Variants in RBFOX1 observed in about 807,000 individuals in gnomAD.
The protein encoded by RBFOX1 is RNA binding protein fox-1 homolog 1.
RBFOX1 carries 8 observed loss-of-function variants against 57.7 expected under a neutral mutation model. That is an observed-to-expected ratio of 0.14 (90% CI 0.08 to 0.25). The LOEUF is 0.25. RBFOX1 is among the 10% of genes least tolerant of loss of function. The probability of loss-of-function intolerance (pLI) is 1.00; values close to 1 mark genes in which losing one functional copy is unlikely to be tolerated. For synonymous variants in RBFOX1, 326 were observed against 222.4 expected, an observed-to-expected ratio of 1.47 and a Z score of -4.15; for missense variants, 611 against 548.5, an observed-to-expected ratio of 1.11 and a Z score of -1.14.
At chr16:6,913,822 C>A (rs543768199) in intron 3 of RBFOX1, among the ~76,000 whole-genome samples, 1 of 152,182 alleles carries the variant, frequency 6.6e-6, no homozygotes, top group African/African-American at 2.4e-5. Context: ...TAAACTACTT[C>A]CCAGCCCTGC....
chr16:6,490,798 T>C (rs1402100831), intron 2 of RBFOX1, among the ~76,000 whole-genome samples: 1 of 152,178 alleles, frequency 6.6e-6, no homozygotes, highest in Non-Finnish European at 1.5e-5. Flanking sequence ...TTCTTTATAT[T>C]TCAGGCCCAA....
At chr16:7,408,391 A>C (rs983094867) in intron 4 of RBFOX1, among the ~76,000 whole-genome samples, 2 of 152,216 alleles carry the variant, frequency 1.3e-5, no homozygotes, top group African/African-American at 4.8e-5. Context: ...TGAGCACAGT[A>C]AACCATTCAA....
intron 5 of RBFOX1, among the ~76,000 whole-genome samples, chr16:7,546,566 C>T (rs1474668061): frequency 1.3e-5 from 2 of 152,018 alleles, no homozygotes; most frequent in Non-Finnish European, 2.9e-5. Flanking sequence ...TTTTGAGAGG[C>T]TTTGCAATGT....
intron 1 of RBFOX1, among the ~76,000 whole-genome samples, chr16:6,197,430 A>AT (rs970356248): frequency 9.9e-5 from 15 of 151,952 alleles, no homozygotes; most frequent in African/African-American, 3.6e-4. Context: ...CAGCTTACCC[A>AT]TGTTGGGGAC....
At chr16:7,555,037 T>C (rs2152573099) in intron 5 of RBFOX1, among the ~76,000 whole-genome samples, 3 of 152,306 alleles carry the variant, frequency 2.0e-5, no homozygotes, top group Admixed American at 2.0e-4. Context: ...TTGTTTTTGG[T>C]CATTTCTTTC....
intron 4 of RBFOX1, among the ~76,000 whole-genome samples, chr16:7,279,363 G>C (rs1382339825): frequency 6.6e-6 from 1 of 152,140 alleles, no homozygotes; most frequent in Non-Finnish European, 1.5e-5. Flanking sequence ...CTTTTCACCA[G>C]GTGGTCTCTT....
chr16:7,446,796 GTATTTTTTTTTTTT>G (rs1349852755), intron 4 of RBFOX1, among the ~76,000 whole-genome samples: 148 of 109,466 alleles, frequency 1.4e-3, no homozygotes, highest in African/African-American at 5.2e-3. Flanking sequence ...GTAGGTCTAG[GTATTTTTTTTTTTT>G]TTTTTTTTTT....
At chr16:5,309,348 C>T (rs1462963404) in intron 1 of RBFOX1, among the ~76,000 whole-genome samples, 1 of 152,118 alleles carries the variant, frequency 6.6e-6, no homozygotes, top group Non-Finnish European at 1.5e-5. Context: ...TAACAGTTCT[C>T]ATAGATGAAG....
intron 3 of RBFOX1, among the ~76,000 whole-genome samples, chr16:6,777,992 T>G (rs972255884): frequency 2.6e-5 from 4 of 152,170 alleles, no homozygotes; most frequent in Non-Finnish European, 5.9e-5. Flanking sequence ...AGTTTAAAAC[T>G]CATATAAATA....
chr16:5,370,872 C>A (rs1453071746), intron 1 of RBFOX1, among the ~76,000 whole-genome samples: 2 of 152,160 alleles, frequency 1.3e-5, no homozygotes, highest in African/African-American at 2.4e-5. Context: ...TCCCCAGGAT[C>A]AAGACTATGT....
chr16:6,886,788 A>C (rs113481551), intron 3 of RBFOX1, among the ~76,000 whole-genome samples: 1,901 of 152,012 alleles, frequency 0.013, 23 homozygotes, highest in Non-Finnish European at 0.02. Flanking sequence ...CAAAACAAAA[A>C]AAAAACCAGA....
chr16:6,022,156 A>T (rs998767604), intron 1 of RBFOX1, among the ~76,000 whole-genome samples: 1 of 152,048 alleles, frequency 6.6e-6, no homozygotes, highest in Non-Finnish European at 1.5e-5. Context: ...CAAGCACCTG[A>T]AATTAAGTTT....
intron 4 of RBFOX1, among the ~76,000 whole-genome samples, chr16:7,468,328 A>G (rs2060901850): frequency 6.6e-6 from 1 of 152,190 alleles, no homozygotes; most frequent in Non-Finnish European, 1.5e-5. Flanking sequence ...TTATAATTAA[A>G]ACAATAAATT....
At chr16:6,427,485 C>A (rs2093963243) in intron 2 of RBFOX1, among the ~76,000 whole-genome samples, 1 of 152,114 alleles carries the variant, frequency 6.6e-6, no homozygotes, top group African/African-American at 2.4e-5. Context: ...GACAGCAAAG[C>A]TTACCAGTAT....
intron 3 of RBFOX1, among the ~76,000 whole-genome samples, chr16:6,976,304 T>G (rs940418359): frequency 6.6e-6 from 1 of 152,198 alleles, no homozygotes; most frequent in Non-Finnish European, 1.5e-5. Flanking sequence ...ACAGGCATTC[T>G]GGCTTTAGAG....
chr16:6,892,899 C>G (rs1039394545), intron 3 of RBFOX1, among the ~76,000 whole-genome samples: 3 of 151,968 alleles, frequency 2.0e-5, no homozygotes, highest in Middle Eastern at 3.4e-3. Flanking sequence ...TCACCACTCA[C>G]TCTCAGTCTT....
chr16:6,905,897 A>C (rs570284356), intron 3 of RBFOX1, among the ~76,000 whole-genome samples: 1 of 152,314 alleles, frequency 6.6e-6, no homozygotes, highest in Admixed American at 6.5e-5. Context: ...GTGAGTGTCC[A>C]CAGGCTTTCT....
intron 5 of RBFOX1, among the ~76,000 whole-genome samples, chr16:7,521,501 C>T (rs1163277855): frequency 6.6e-6 from 1 of 151,286 alleles, no homozygotes; most frequent in Non-Finnish European, 1.5e-5. Context: ...CTTTGCCCTG[C>T]AAAAAGAACA....
At chr16:6,769,607 C>T (rs1603618632) in intron 3 of RBFOX1, among the ~76,000 whole-genome samples, 1 of 152,172 alleles carries the variant, frequency 6.6e-6, no homozygotes, top group Admixed American at 6.5e-5. Flanking sequence ...AGCAAGACTT[C>T]TCTATGGCAT....
Sources: allele counts gnomAD v4.1 joint callset (sites outside exome capture counted in the v4.1 genomes callset), GRCh38; gene constraint gnomAD v4.1.1; transcripts MANE v1.5; gene names NCBI Gene and HGNC (gene_info 2026-07-23, HGNC 2026-07-21).